The following KCNC2 variants were observed in gnomAD, a reference collection of about 807,000 sequenced individuals.
The protein encoded by KCNC2 is potassium voltage-gated channel subfamily C member 2, also known as voltage-gated potassium channel KCNC2.
KCNC2 carries 21 observed loss-of-function variants against 44.5 expected under a neutral mutation model. The observed-to-expected ratio is 0.47, with a 90% confidence interval of 0.33 to 0.68. The LOEUF (loss-of-function observed/expected upper bound fraction) is 0.68. Among genes scored for constraint, KCNC2 ranks in the 30% least tolerant of loss-of-function variants. The pLI is 0.01. For synonymous variants in KCNC2, 391 were observed against 339.1 expected (o/e 1.15, Z -1.68); for missense variants, 589 against 826.2 (o/e 0.71, Z 3.52).
chr12:75,186,048 A>AAAATAAAT (rs371301482), intron 2 of KCNC2, among the ~76,000 whole-genome samples: 8,087 of 142,934 alleles, frequency 0.057, 288 homozygotes, highest in African/African-American at 0.094. Context: ...CTCTGTCTCA[A>AAAATAAAT]AAATAAATAA....
At chr12:75,170,182 G>A (rs1891720879) in intron 2 of KCNC2, among the ~76,000 whole-genome samples, 1 of 151,636 alleles carries the variant, frequency 6.6e-6, no homozygotes, top group Admixed American at 6.6e-5. Context: ...AAAATAATTA[G>A]CACTTTATGA....
At chr12:75,047,917 AT>A (rs1442442911) in intron 4 of KCNC2, among the ~76,000 whole-genome samples, 3 of 152,072 alleles carry the variant, frequency 2.0e-5, no homozygotes, top group Non-Finnish European at 4.4e-5. Context: ...CCATAGACAA[AT>A]GGCAAACCAA....
At position 75,060,650 on chromosome 12, in the gene KCNC2, A is replaced by T. The variant is rs575757271; in HGVS notation, c.688-9333T>A. ...CTGGCTAATTTTTGTATTTTTTTTT[A>T]AATAGAGATGGGATTTCACCATATT... On this transcript the variant is annotated intron_variant, in intron 2 of 4. Transcript: ENST00000549446. 1.3e-4 allele frequency among the ~76,000 whole-genome samples: 19 copies of T among 151,430 alleles called. No homozygotes were observed. In the East Asian group the frequency reaches 3.1e-3, roughly 25 times the overall value.
chr12:75,194,285 A>G (rs916515519), intron 2 of KCNC2, among the ~76,000 whole-genome samples: 4 of 152,150 alleles, frequency 2.6e-5, no homozygotes, highest in African/African-American at 9.7e-5. Context: ...AGACCCATAC[A>G]CTGAGGGCAA....
intron 2 of KCNC2, among the ~76,000 whole-genome samples, chr12:75,061,183 TATGGCCATACC>T (rs1882284119): frequency 2.0e-5 from 3 of 152,134 alleles, no homozygotes; most frequent in Non-Finnish European, 4.4e-5. Context: ...TGGCAAAGAT[TATGGCCATACC>T]AAACATAAAG....
chr12:75,151,490 T>C (rs1426934254), intron 2 of KCNC2, among the ~76,000 whole-genome samples: 2 of 151,864 alleles, frequency 1.3e-5, no homozygotes, highest in African/African-American at 4.8e-5. Flanking sequence ...TTCCCAAAGA[T>C]AAAAATTTTA....
chr12:75,057,349 C>T (rs1881858910), intron 2 of KCNC2, among the ~76,000 whole-genome samples: 1 of 151,956 alleles, frequency 6.6e-6, no homozygotes, highest in Non-Finnish European at 1.5e-5. Flanking sequence ...TCTTTCATTG[C>T]TAAGTCTGTC....
At chr12:75,064,700 A>T (rs1021628773) in intron 2 of KCNC2, among the ~76,000 whole-genome samples, 5 of 152,076 alleles carry the variant, frequency 3.3e-5, no homozygotes, top group Non-Finnish European at 7.4e-5. Flanking sequence ...TCAAAGGTTG[A>T]CATTGAAATG....
chr12:75,149,636 A>C (rs781514475), intron 2 of KCNC2, among the ~76,000 whole-genome samples: 2 of 151,846 alleles, frequency 1.3e-5, no homozygotes, highest in African/African-American at 2.4e-5. Flanking sequence ...CTCAACATTT[A>C]TACGTTAAAT....
chr12:75,142,187 A>T (rs1478942480), intron 2 of KCNC2, among the ~76,000 whole-genome samples: 1 of 152,174 alleles, frequency 6.6e-6, no homozygotes, highest in Non-Finnish European at 1.5e-5. Flanking sequence ...AAGATTAATA[A>T]TTTGTCCAAG....
At chr12:75,172,295 C>T (rs572274859) in intron 2 of KCNC2, among the ~76,000 whole-genome samples, 8 of 151,754 alleles carry the variant, frequency 5.3e-5, no homozygotes, top group South Asian at 4.2e-4. Flanking sequence ...GGGAAGATGG[C>T]GGGGAAGGAC....
At chr12:75,173,761 CA>C (rs1350765975) in intron 2 of KCNC2, among the ~76,000 whole-genome samples, 1 of 151,564 alleles carries the variant, frequency 6.6e-6, no homozygotes, top group South Asian at 2.1e-4. Context: ...AATCAGGATG[CA>C]AAAAAATTCA....
intron 2 of KCNC2, among the ~76,000 whole-genome samples, chr12:75,060,592 A>G (rs1009861193): frequency 6.6e-6 from 1 of 151,846 alleles, no homozygotes; most frequent in Non-Finnish European, 1.5e-5. Context: ...CAGCCTCCCA[A>G]GTTGCTGGGA....
At chr12:75,089,513 G>A (rs148096944) in intron 2 of KCNC2, among the ~76,000 whole-genome samples, 71 of 151,884 alleles carry the variant, frequency 4.7e-4, no homozygotes, top group African/African-American at 1.4e-3. Flanking sequence ...TTTAACATAT[G>A]ATTTATAAAT....
At chr12:75,070,717 C>T (rs1017424014) in intron 2 of KCNC2, among the ~76,000 whole-genome samples, 1 of 151,572 alleles carries the variant, frequency 6.6e-6, no homozygotes, top group African/African-American at 2.4e-5. Flanking sequence ...TATTTATATT[C>T]ACCCTTTATA....
chr12:75,182,427 G>A (rs894886627), intron 2 of KCNC2, among the ~76,000 whole-genome samples: 1 of 150,766 alleles, frequency 6.6e-6, no homozygotes, highest in African/African-American at 2.4e-5. Flanking sequence ...GGAGGCTGAG[G>A]CAGGAGAATG....
rs147907675 is a variant in KCNC2, at chr12:75,139,489, G to A, written c.687+67808C>T. Among the ~76,000 whole-genome samples the A allele has an allele frequency of 1.7e-3, 261 of 152,292 alleles. 2 individuals are homozygous for A. Among genetic ancestry groups the A allele is most frequent in the African/African-American group, 6.0e-3 (251 of 41,552 alleles). Reference sequence around the variant, plus strand: ...AAATTTTCCCTGAAATGGAGATCACGTTTGAGGATGAAATTTTCTTATGTG... The same window carrying A: ...AAATTTTCCCTGAAATGGAGATCACATTTGAGGATGAAATTTTCTTATGTG... On this transcript the variant is annotated intron_variant, in intron 2 of 4. Transcript: ENST00000549446.
chr12:75,188,861 C>CAATAAATAAATA (rs10608827), intron 2 of KCNC2, among the ~76,000 whole-genome samples: 6 of 142,588 alleles, frequency 4.2e-5, no homozygotes, highest in South Asian at 2.3e-4. Context: ...GACTCCATCT[C>CAATAAATAAATA]AATAAATAAA....
intron 2 of KCNC2, among the ~76,000 whole-genome samples, chr12:75,160,270 T>C (rs76319653): frequency 0.018 from 2,741 of 151,894 alleles, 39 homozygotes; most frequent in Middle Eastern, 0.054. Flanking sequence ...GCCAAAGATA[T>C]AGGCCTCAAA....
Sources: allele counts gnomAD v4.1 joint callset (sites outside exome capture counted in the v4.1 genomes callset), GRCh38; gene constraint gnomAD v4.1.1; transcripts MANE v1.5; gene names NCBI Gene and HGNC (gene_info 2026-07-23, HGNC 2026-07-21).